The following STAG1 variants were observed in gnomAD, a reference collection of about 807,000 sequenced individuals.
STAG1 encodes the protein cohesin subunit SA-1.
STAG1 carries 26 observed loss-of-function variants against 170.9 expected under a neutral mutation model. The observed-to-expected ratio is 0.15, with a 90% CI of 0.11 to 0.21. STAG1 has a LOEUF of 0.21. Among genes scored for constraint, STAG1 ranks in the 10% least tolerant of loss-of-function variants. STAG1 has a pLI of 1.00. For missense variants in STAG1, 964 were observed against 1,509.5 expected (o/e 0.64, Z 5.99); for synonymous variants, 514 against 497.7 (o/e 1.03, Z -0.44).
chr3:136,388,749 A>G (rs1245890080), intron 22 of STAG1, among the ~76,000 whole-genome samples: 1 of 152,188 alleles, frequency 6.6e-6, no homozygotes, highest in East Asian at 1.9e-4. Flanking sequence ...ATTAGGAAAA[A>G]CAATTTTTAA....
intron 6 of STAG1, among the ~76,000 whole-genome samples, chr3:136,526,063 G>A (rs1935006318): frequency 1.3e-5 from 2 of 152,216 alleles, no homozygotes; most frequent in South Asian, 4.1e-4. Flanking sequence ...TGAGAAGAAT[G>A]TATATTCTGT....
At chr3:136,603,468 T>C (rs1293537713) in intron 4 of STAG1, among the ~76,000 whole-genome samples, 1 of 152,206 alleles carries the variant, frequency 6.6e-6, no homozygotes, top group Non-Finnish European at 1.5e-5. Flanking sequence ...CATTTAATGA[T>C]AGTGATAAAA....
chr3:136,674,758 C>T (rs1164436839), intron 1 of STAG1, among the ~76,000 whole-genome samples: 1 of 152,012 alleles, frequency 6.6e-6, no homozygotes, highest in African/African-American at 2.4e-5. Context: ...AAATATGTAC[C>T]ATTTACTGCA....
chr3:136,745,073 ATGTG>A (rs746899418), intron 1 of STAG1, among the ~76,000 whole-genome samples: 3 of 152,154 alleles, frequency 2.0e-5, no homozygotes, highest in Non-Finnish European at 4.4e-5. Context: ...TTGTGTGTGG[ATGTG>A]TGTGTTTGTA....
At chr3:136,585,275 C>A (rs758743987) in intron 4 of STAG1, among the ~76,000 whole-genome samples, 2 of 152,160 alleles carry the variant, frequency 1.3e-5, no homozygotes, top group Non-Finnish European at 2.9e-5. Flanking sequence ...AACCCTGTCT[C>A]TGCTAAAATT....
At chr3:136,362,968 C>T (rs1399326543) in intron 26 of STAG1, among the ~76,000 whole-genome samples, 1 of 151,988 alleles carries the variant, frequency 6.6e-6, no homozygotes, top group African/African-American at 2.4e-5. Context: ...ACTAGGCCCC[C>T]TGAAATCATT....
Position 136,338,124 on chromosome 3 carries a change from G to A in STAG1, c.*130C>T, listed in dbSNP as rs917700405. 5 of 653,274 alleles carry A rather than the reference G, an allele frequency of 7.7e-6. No homozygotes were observed. The highest frequency in any genetic ancestry group is 1.8e-5 in the African/African-American group (1 of 54,348). 40.5% of individuals were successfully genotyped at this position (653,274 alleles called of 1,614,324 possible). A position where few individuals can be genotyped will look rare whatever the true frequency, so the allele number is the denominator to read the frequency against. ...TCTTCTGTCACTGCAAAAAGGGATTGACCTTAATCATTTGATTAAAAAACA... is the reference window on the plus strand; with the variant it reads ...TCTTCTGTCACTGCAAAAAGGGATTAACCTTAATCATTTGATTAAAAAACA... On this transcript the variant is annotated 3_prime_UTR_variant, in exon 34 of 34. Coordinates refer to ENST00000383202, the MANE Select transcript of STAG1 (RefSeq NM_005862.3).
chr3:136,738,922 A>C (rs1370766333), intron 1 of STAG1, among the ~76,000 whole-genome samples: 1 of 152,168 alleles, frequency 6.6e-6, no homozygotes, highest in African/African-American at 2.4e-5. Flanking sequence ...TTTAAAAATA[A>C]GTCAATTTTT....
chr3:136,734,145 C>CA (rs1168847561), intron 1 of STAG1, among the ~76,000 whole-genome samples: 1 of 145,284 alleles, frequency 6.9e-6, no homozygotes. Context: ...AAAAACAAAA[C>CA]AAAAAAAATT....
At chr3:136,619,388 G>A (rs1042325880) in intron 3 of STAG1, among the ~76,000 whole-genome samples, 9 of 151,116 alleles carry the variant, frequency 6.0e-5, no homozygotes, top group African/African-American at 2.2e-4. Context: ...AAGCAAGTAA[G>A]TAAAATGTAT....
intron 1 of STAG1, among the ~76,000 whole-genome samples, chr3:136,635,864 T>C (rs1384290853): frequency 1.3e-5 from 2 of 152,240 alleles, no homozygotes; most frequent in African/African-American, 4.8e-5. Flanking sequence ...CACAGTATCA[T>C]TTGCATTCAC....
intron 16 of STAG1, among the ~76,000 whole-genome samples, chr3:136,427,910 T>G (rs983651818): frequency 6.6e-6 from 1 of 152,158 alleles, no homozygotes; most frequent in African/African-American, 2.4e-5. Context: ...AAGGATAGTT[T>G]GATAATTTTA....
chr3:136,634,588 C>A (rs1576694737), intron 1 of STAG1, among the ~76,000 whole-genome samples: 5 of 120,694 alleles, frequency 4.1e-5, no homozygotes, highest in Admixed American at 9.0e-5. Flanking sequence ...GAGGAAAATA[C>A]AGTTGTAAAA....
At chr3:136,505,092 G>A (rs1014043001) in intron 7 of STAG1, among the ~76,000 whole-genome samples, 5 of 152,088 alleles carry the variant, frequency 3.3e-5, no homozygotes, top group Non-Finnish European at 7.4e-5. Context: ...CATAAAATGA[G>A]GATTATGATG....
At chr3:136,735,113 T>G (rs1430779730) in intron 1 of STAG1, among the ~76,000 whole-genome samples, 2 of 151,480 alleles carry the variant, frequency 1.3e-5, no homozygotes, top group African/African-American at 4.8e-5. Flanking sequence ...TATCTCTCCC[T>G]CCTTACTCCC....
At chr3:136,666,663 C>CA (rs1941790430) in intron 1 of STAG1, among the ~76,000 whole-genome samples, 1 of 151,634 alleles carries the variant, frequency 6.6e-6, no homozygotes, top group African/African-American at 2.4e-5. Context: ...ACTAAAAATA[C>CA]AAAAAAATTA....
chr3:136,432,057 T>C (rs1310022474), intron 16 of STAG1, among the ~76,000 whole-genome samples: 1 of 152,212 alleles, frequency 6.6e-6, no homozygotes. Flanking sequence ...TCAGTGCACA[T>C]GATGGTGGTT....
At chr3:136,486,407 A>T (rs2107837322) in intron 9 of STAG1, among the ~76,000 whole-genome samples, 1 of 152,360 alleles carries the variant, frequency 6.6e-6, no homozygotes, top group Non-Finnish European at 1.5e-5. Flanking sequence ...AAATAAAAAC[A>T]AGCTAACAGT....
intron 1 of STAG1, among the ~76,000 whole-genome samples, chr3:136,673,607 A>G (rs1398623061): frequency 6.6e-6 from 1 of 152,108 alleles, no homozygotes; most frequent in Non-Finnish European, 1.5e-5. Context: ...CAATCCCTCT[A>G]CCTCAATTAT....
Sources: allele counts gnomAD v4.1 joint callset (sites outside exome capture counted in the v4.1 genomes callset), GRCh38; gene constraint gnomAD v4.1.1; transcripts MANE v1.5; gene names NCBI Gene and HGNC (gene_info 2026-07-23, HGNC 2026-07-21).